Variants in SFMBT2 observed in about 807,000 individuals in gnomAD.
The protein encoded by SFMBT2 is scm-like with four MBT domains protein 2.
Under a neutral mutation model 110.1 loss-of-function variants are expected in SFMBT2, and 38 were observed. The observed-to-expected ratio is 0.35, with a 90% CI of 0.27 to 0.45. SFMBT2 has a LOEUF of 0.45. Ranked by LOEUF, SFMBT2 falls within the 20% of genes least tolerant of loss-of-function variation. The probability of loss-of-function intolerance (pLI) is 1.00; values close to 1 mark genes in which losing one functional copy is unlikely to be tolerated. For synonymous variants in SFMBT2, 425 were observed against 425.4 expected, an observed-to-expected ratio of 1.00 and a Z score of 0.01; for missense variants, 1,011 against 1,094.9, an observed-to-expected ratio of 0.92 and a Z score of 1.08.
rs151237366 is a variant in SFMBT2, at chr10:7,411,032, T to C, written c.-223A>G. ...CGGCTCCCACTACAGCTCATTCCAA[T>C]ATGGCATCCTCTCTGTGCGCATGCT... On this transcript the variant is annotated 5_prime_UTR_variant, in exon 1 of 21. In the 5' UTR this introduces an upstream ATG that the reference lacks. Coordinates refer to ENST00000397167, the MANE Select transcript of SFMBT2 (RefSeq NM_001387889.1). Among the ~76,000 whole-genome samples, 312 of 146,020 alleles carry C rather than the reference T, an allele frequency of 2.1e-3. 5 individuals are homozygous for C. The East Asian group carries it at 0.055, about 26-fold the overall frequency.
chr10:7,325,401 A>G (rs1425271806), intron 4 of SFMBT2, among the ~76,000 whole-genome samples: 5 of 152,218 alleles, frequency 3.3e-5, no homozygotes, highest in African/African-American at 1.2e-4. Context: ...TACTCAGAGA[A>G]GTTTAAAATC....
At chr10:7,248,443 C>G in intron 8 of SFMBT2, 105 bp downstream of exon 8, 1 of 935,068 alleles carries the variant, frequency 1.1e-6, no homozygotes, top group Non-Finnish European at 1.7e-6. Flanking sequence ...CCTGGCATTG[C>G]TGATAGCCTT....
At chr10:7,177,451 T>C (rs1236159115) in intron 16 of SFMBT2, among the ~76,000 whole-genome samples, 1 of 152,032 alleles carries the variant, frequency 6.6e-6, no homozygotes, top group Non-Finnish European at 1.5e-5. Flanking sequence ...CCTAAATTCA[T>C]AGGTTGAAGC....
intron 4 of SFMBT2, among the ~76,000 whole-genome samples, chr10:7,297,899 C>T (rs1842448889): frequency 6.6e-6 from 1 of 152,194 alleles, no homozygotes; most frequent in Non-Finnish European, 1.5e-5. Flanking sequence ...GTCTGCCTCC[C>T]ACGCCCTCCC....
intron 7 of SFMBT2, among the ~76,000 whole-genome samples, chr10:7,256,707 A>G (rs1042851035): frequency 3.3e-5 from 5 of 152,208 alleles, no homozygotes; most frequent in East Asian, 1.9e-4. Flanking sequence ...ACTCTGACCA[A>G]CGTGGTTAAT....
chr10:7,243,975 C>T (rs149687695), intron 8 of SFMBT2: 5,162 of 297,034 alleles, frequency 0.017, 41 homozygotes, highest in Non-Finnish European at 0.022. Flanking sequence ...GAGAAGTCAA[C>T]CAATGGCTAT....
At chr10:7,211,081 C>T (rs1238391072) in intron 11 of SFMBT2, among the ~76,000 whole-genome samples, 10 of 152,108 alleles carry the variant, frequency 6.6e-5, no homozygotes, top group African/African-American at 7.2e-5. Context: ...AGAAATCCAG[C>T]GGCCGGCAAG....
At chr10:7,376,727 CAAAAAAAAAAAAAAAA>C (rs35816107) in intron 2 of SFMBT2, among the ~76,000 whole-genome samples, 2 of 44,736 alleles carry the variant, frequency 4.5e-5, no homozygotes, top group African/African-American at 1.0e-4. Context: ...GGCCCTCCCA[CAAAAAAAAAAAAAAAA>C]AAAAAAAAAA....
At chr10:7,216,534 G>A (rs1048806840) in intron 11 of SFMBT2, among the ~76,000 whole-genome samples, 1 of 152,192 alleles carries the variant, frequency 6.6e-6, no homozygotes, top group Non-Finnish European at 1.5e-5. Flanking sequence ...TCTTGAGTAT[G>A]TCTTCATCAG....
intron 1 of SFMBT2, among the ~76,000 whole-genome samples, chr10:7,406,673 A>T (rs1846219838): frequency 1.3e-5 from 2 of 152,230 alleles, no homozygotes; most frequent in African/African-American, 2.4e-5. Flanking sequence ...ATAGTCTATA[A>T]TGTCTGCAAG....
chr10:7,363,209 G>A (rs1370726087), intron 4 of SFMBT2, among the ~76,000 whole-genome samples: 2 of 152,244 alleles, frequency 1.3e-5, no homozygotes, highest in Non-Finnish European at 2.9e-5. Context: ...AGATCTGATG[G>A]TTTTATAAAG....
At chr10:7,360,622 G>C (rs1362476411) in intron 4 of SFMBT2, among the ~76,000 whole-genome samples, 3 of 152,162 alleles carry the variant, frequency 2.0e-5, no homozygotes, top group Non-Finnish European at 4.4e-5. Flanking sequence ...GAAGGGTTTT[G>C]ATTCACAGCA....
chr10:7,197,830 T>C, intron 14 of SFMBT2, 143 bp from the exon 15 acceptor site: 1 of 1,270,214 alleles, frequency 7.9e-7, no homozygotes, highest in Non-Finnish European at 1.0e-6. Flanking sequence ...GAGTCAGGCG[T>C]AATAAAAGCA....
In SFMBT2 at chr10:7,283,454, GTGGATGAATGGA is replaced by G. The variant is rs146266409; in HGVS notation, c.772+438_772+449del. On this transcript the variant is annotated intron_variant, in intron 6 of 20. Coordinates refer to ENST00000397167, the MANE Select transcript of SFMBT2 (RefSeq NM_001387889.1). ...AAATAGATGAATGCTGGATGGATAG[GTGGATGAATGGA>G]TGGATGAATAGATAAATGGATAGAT... Among the ~76,000 whole-genome samples the G allele has an allele frequency of 3.1e-3, 468 of 151,698 alleles. 3 individuals are homozygous for G. Among genetic ancestry groups the G allele is most frequent in the African/African-American group, 0.011 (442 of 41,496 alleles).
intron 10 of SFMBT2, among the ~76,000 whole-genome samples, chr10:7,225,333 G>A (rs1839868092): frequency 6.6e-6 from 1 of 152,062 alleles, no homozygotes; most frequent in Non-Finnish European, 1.5e-5. Context: ...AAACATCCCT[G>A]GGGAAATGTC....
chr10:7,329,173 A>G (rs1261999013), intron 4 of SFMBT2, among the ~76,000 whole-genome samples: 1 of 152,268 alleles, frequency 6.6e-6, no homozygotes, highest in African/African-American at 2.4e-5. Flanking sequence ...TCACGGACTA[A>G]GAAATGTCAT....
At chr10:7,297,695 C>G (rs1842442378) in intron 4 of SFMBT2, among the ~76,000 whole-genome samples, 1 of 152,130 alleles carries the variant, frequency 6.6e-6, no homozygotes, top group Admixed American at 6.5e-5. Context: ...AATTTTGAAA[C>G]AAAAGCTAAA....
chr10:7,298,087 G>A (rs537272862), intron 4 of SFMBT2, among the ~76,000 whole-genome samples: 9 of 152,326 alleles, frequency 5.9e-5, no homozygotes, highest in African/African-American at 1.9e-4. Flanking sequence ...AGAGGCCCTC[G>A]CAGCTTGTCC....
intron 4 of SFMBT2, among the ~76,000 whole-genome samples, chr10:7,324,361 T>C (rs1166436062): frequency 1.3e-5 from 2 of 152,050 alleles, no homozygotes; most frequent in Admixed American, 6.6e-5. Context: ...CAATGCAACG[T>C]TGAAAAATAA....
Sources: gnomAD v4.1 joint callset for allele counts (sites outside exome capture counted in the v4.1 genomes callset) on GRCh38, gnomAD v4.1.1 for gene constraint, MANE v1.5 for transcripts, NCBI Gene and HGNC (gene_info 2026-07-23, HGNC 2026-07-21) for gene names.